Variants in FABP7 observed in about 807,000 individuals in gnomAD.
The protein encoded by FABP7 is fatty acid binding protein 7.
A neutral mutation model predicts 14.2 loss-of-function variants in FABP7; 13 were observed. The observed-to-expected ratio is 0.91, with a 90% CI of 0.59 to 1.45. The LOEUF (loss-of-function observed/expected upper bound fraction) is 1.45. FABP7 is among the 40% of genes most tolerant of loss of function. FABP7 has a pLI of 0.00. For synonymous variants in FABP7, 49 were observed against 51.4 expected (o/e 0.95, Z 0.20); for missense variants, 149 against 157.6 (o/e 0.95, Z 0.29).
the FABP7 span, among the ~76,000 whole-genome samples, chr6:122,767,715 T>C: frequency 6.9e-6 from 1 of 144,048 alleles, no homozygotes; most frequent in Non-Finnish European, 1.5e-5. Context: ...GTTTGGGACC[T>C]GCCTGGGCAA....
the FABP7 span, among the ~76,000 whole-genome samples, chr6:122,764,455 T>A: frequency 5.4e-4 from 82 of 151,954 alleles, no homozygotes; most frequent in African/African-American, 2.0e-3. Context: ...AGTTAATGGG[T>A]GCAGCACACC....
At chr6:122,763,436 C>A in the FABP7 span, among the ~76,000 whole-genome samples, 1 of 152,124 alleles carries the variant, frequency 6.6e-6, no homozygotes, top group African/African-American at 2.4e-5. Flanking sequence ...CATAAAAACC[C>A]TAGAAGAAAA....
chr6:122,776,760 T>A (rs1562337946), upstream of FABP7, among the ~76,000 whole-genome samples: 1 of 152,216 alleles, frequency 6.6e-6, no homozygotes, highest in Non-Finnish European at 1.5e-5. Context: ...AATGTTTGCA[T>A]CCAAATATCG....
chr6:122,782,080 C>CT (rs1159329708), intron 3 of FABP7: 1 of 985,278 alleles, frequency 1.0e-6, no homozygotes, highest in Non-Finnish European at 1.2e-6. Context: ...GATGTTACTT[C>CT]TTTCCAGTTT....
the FABP7 span, among the ~76,000 whole-genome samples, chr6:122,751,588 C>T: frequency 6.6e-6 from 1 of 152,296 alleles, no homozygotes; most frequent in African/African-American, 2.4e-5. Flanking sequence ...AAACATTCAG[C>T]TCGGAAATTC....
chr6:122,782,421 C>G, intron 3 of FABP7: 1 of 694,258 alleles, frequency 1.4e-6, no homozygotes, highest in Non-Finnish European at 1.8e-6. Flanking sequence ...GTTGTTATTA[C>G]TCTGATCCAT....
chr6:122,778,813 T>G (rs991462219), upstream of FABP7, among the ~76,000 whole-genome samples: 1 of 152,196 alleles, frequency 6.6e-6, no homozygotes, highest in African/African-American at 2.4e-5. Flanking sequence ...ATTGTATTTG[T>G]GTAGATGTGG....
chr6:122,777,720 A>G (rs185160603), upstream of FABP7, among the ~76,000 whole-genome samples: 266 of 152,134 alleles, frequency 1.7e-3, no homozygotes, highest in South Asian at 3.7e-3. Context: ...ATAATGGTAC[A>G]TGTCTGTTGT....
At chr6:122,783,183 CACCT>C (rs931563382) in intron 3 of FABP7, 4 of 985,280 alleles carry the variant, frequency 4.1e-6, no homozygotes, top group Non-Finnish European at 4.8e-6. Context: ...GCATCCTATC[CACCT>C]ACCTACCTGC....
chr6:122,750,275 G>T, the FABP7 span, among the ~76,000 whole-genome samples: 5 of 151,938 alleles, frequency 3.3e-5, no homozygotes, highest in African/African-American at 1.2e-4. Flanking sequence ...AGCTTTGCAT[G>T]CACTGAATAT....
At chr6:122,756,411 A>C in the FABP7 span, among the ~76,000 whole-genome samples, 4 of 152,100 alleles carry the variant, frequency 2.6e-5, no homozygotes, top group Non-Finnish European at 4.4e-5. Context: ...GTTGCTTCTA[A>C]TTTCAATGAG....
the FABP7 span, among the ~76,000 whole-genome samples, chr6:122,756,195 C>T: frequency 1.9e-4 from 29 of 152,260 alleles, no homozygotes; most frequent in East Asian, 5.0e-3. Context: ...CTACTTCTCG[C>T]CCTTTGCCCT....
At chr6:122,773,885 T>TA in the FABP7 span, among the ~76,000 whole-genome samples, 2 of 151,724 alleles carry the variant, frequency 1.3e-5, no homozygotes, top group African/African-American at 4.8e-5. Context: ...TCACTACTTT[T>TA]TAAAAAAAAC....
At chr6:122,773,464 A>G in the FABP7 span, among the ~76,000 whole-genome samples, 2 of 152,086 alleles carry the variant, frequency 1.3e-5, no homozygotes, top group African/African-American at 4.8e-5. Context: ...CTTTTTGCCA[A>G]CCCTTGAGTT....
chr6:122,751,350 C>A, the FABP7 span, among the ~76,000 whole-genome samples: 4 of 152,176 alleles, frequency 2.6e-5, no homozygotes, highest in Non-Finnish European at 5.9e-5. Flanking sequence ...ATTCTTACTG[C>A]CTCATCCTTC....
chr6:122,783,587 T>C (rs375155457), intron 3 of FABP7, 130 bp from the exon 4 acceptor site: 2 of 1,415,610 alleles, frequency 1.4e-6, no homozygotes, highest in African/African-American at 3.0e-5. Context: ...TGTGAAATGC[T>C]TATGCAGCAT....
At chr6:122,770,889 A>G in the FABP7 span, among the ~76,000 whole-genome samples, 1 of 152,224 alleles carries the variant, frequency 6.6e-6, no homozygotes, top group Non-Finnish European at 1.5e-5. Context: ...CAGAAGCAGC[A>G]GAGGGTAAAA....
the FABP7 span, among the ~76,000 whole-genome samples, chr6:122,767,283 T>C: frequency 1.3e-5 from 2 of 152,012 alleles, no homozygotes; most frequent in African/African-American, 4.8e-5. Flanking sequence ...GGGCCATAAA[T>C]AGGATATTTC....
chr6:122,750,634 G>T, the FABP7 span, among the ~76,000 whole-genome samples: 1 of 152,164 alleles, frequency 6.6e-6, no homozygotes, highest in South Asian at 2.1e-4. Flanking sequence ...TAAGACATAT[G>T]TTTAATGGTA....
Sources: allele counts gnomAD v4.1 joint callset (sites outside exome capture counted in the v4.1 genomes callset), GRCh38; gene constraint gnomAD v4.1.1; transcripts MANE v1.5; gene names NCBI Gene and HGNC (gene_info 2026-07-23, HGNC 2026-07-21).